The following PLXDC1 variants were observed in gnomAD, a reference collection of about 807,000 sequenced individuals.
The protein encoded by PLXDC1 is plexin domain containing 1.
PLXDC1 carries 39 observed loss-of-function variants against 61.3 expected under a neutral mutation model. The ratio of observed to expected loss-of-function variants is 0.64; its 90% confidence interval spans 0.49 to 0.83. The LOEUF (loss-of-function observed/expected upper bound fraction) is 0.83. Among genes scored for constraint, PLXDC1 ranks in the 40% least tolerant of loss-of-function variants. The pLI is 0.00. For missense variants in PLXDC1, 596 were observed against 666.5 expected, an observed-to-expected ratio of 0.89 and a Z score of 1.17; for synonymous variants, 212 against 254.5, an observed-to-expected ratio of 0.83 and a Z score of 1.59.
chr17:39,079,142 A>G lies in PLXDC1; in HGVS notation c.1012T>C (p.Tyr338His). 6.2e-7 allele frequency: 1 copy of G among 1,613,936 alleles called. No individual in the cohort carries two copies. The highest frequency in any genetic ancestry group is 1.1e-5 in the South Asian group (1 of 91,076). The change falls in exon 10 of 14, where the codon TAT becomes CAT. Residue 338 changes from tyrosine to histidine, a missense_variant. Transcript: ENST00000315392. ...CCATAGTCCATCCACTCCTGGCGAT[A>G]GCGGTCAAAGCCACTGGAGCATCTG... The part of the protein sequence containing the change: ...LQRCSSGFDR[Y>H]RQEWMDYGCA...
At chr17:39,136,816 G>A (rs1466164325) in intron 2 of PLXDC1, among the ~76,000 whole-genome samples, 2 of 152,060 alleles carry the variant, frequency 1.3e-5, no homozygotes, top group Non-Finnish European at 2.9e-5. Flanking sequence ...GTGACATTAT[G>A]AAAATAAGAT....
chr17:39,125,993 C>T (rs1911300334), intron 2 of PLXDC1, among the ~76,000 whole-genome samples: 1 of 152,196 alleles, frequency 6.6e-6, no homozygotes, highest in African/African-American at 2.4e-5. Flanking sequence ...GTGGCTCACA[C>T]CTGTAATCCC....
At position 39,139,701 on chromosome 17, in the gene PLXDC1, C is replaced by A; in HGVS notation, c.208G>T (p.Gly70Cys). 6.2e-7 allele frequency: 1 copy of A among 1,613,970 alleles called. No individual in the cohort carries two copies. ...GGCAGCGTGTCCATGGCCAGGGTGC[C>A]CCCACCCAGGTCCTGGCTCAGCTGG... ...RTQLSQDLGGGTLAMDTLPDN... is the reference protein window; with the variant it reads ...RTQLSQDLGGCTLAMDTLPDN... The change falls in exon 2 of 14, where the codon GGC (glycine) becomes TGC (cysteine). Residue 70 changes from glycine to cysteine, a missense_variant. Coordinates refer to ENST00000315392, the MANE Select transcript of PLXDC1 (RefSeq NM_020405.5).
chr17:39,120,422 C>CA (rs1359668258), intron 2 of PLXDC1, among the ~76,000 whole-genome samples: 1 of 151,964 alleles, frequency 6.6e-6, no homozygotes, highest in Non-Finnish European at 1.5e-5. Flanking sequence ...CCTGACCCAG[C>CA]ATATTGAGTC....
rs1265463856 is a variant in PLXDC1, at chr17:39,077,949, A to T, written c.1150T>A (p.Ser384Thr). 1.2e-5 allele frequency: 19 copies of T among 1,613,870 alleles called. No homozygotes were observed. The highest frequency in any genetic ancestry group is 1.6e-5 in the Non-Finnish European group (19 of 1,179,864). Residue 384 changes from serine (S) to threonine (T), a missense_variant, in exon 11 of 14, where the codon TCC becomes ACC. Coordinates refer to ENST00000315392, the MANE Select transcript of PLXDC1 (RefSeq NM_020405.5). ...AGGCTGTCGATGAAGAGGGAGGAGG[A>T]GGTAGTGGTGAGGTCTCCATCATAG... is the stretch of plus-strand genomic sequence containing the variant. ...SPYDGDLTTT[S>T]SSLFIDSLTT... is the part of the protein sequence containing the mutation.
chr17:39,072,560 A>T (rs1031783695), intron 11 of PLXDC1, 75 bp from the exon 12 acceptor site: 4 of 959,158 alleles, frequency 4.2e-6, no homozygotes, highest in Non-Finnish European at 5.0e-6. Flanking sequence ...TCCAGATGGG[A>T]TGAAAGTTCA....
chr17:39,109,886 T>C (rs1357598304), intron 2 of PLXDC1, among the ~76,000 whole-genome samples: 1 of 152,176 alleles, frequency 6.6e-6, no homozygotes, highest in Non-Finnish European at 1.5e-5. Flanking sequence ...CTCGCGCCTG[T>C]AATCCCAGCA....
At chr17:39,127,031 A>C (rs1308122979) in intron 2 of PLXDC1, 1 of 152,190 alleles carries the variant, frequency 6.6e-6, no homozygotes, top group Non-Finnish European at 1.5e-5. Context: ...AATATGAAAG[A>C]TAACACCTGA....
chr17:39,121,078 C>T (rs1429757818), intron 2 of PLXDC1, among the ~76,000 whole-genome samples: 1 of 151,294 alleles, frequency 6.6e-6, no homozygotes, highest in Non-Finnish European at 1.5e-5. Flanking sequence ...TGGACTCAAG[C>T]GATCCTCTCA....
chr17:39,134,429 C>G (rs1306959220), intron 2 of PLXDC1, among the ~76,000 whole-genome samples: 3 of 151,258 alleles, frequency 2.0e-5, no homozygotes, highest in Non-Finnish European at 2.9e-5. Flanking sequence ...AGTTCAAGAC[C>G]AGCCTGGGCA....
chr17:39,134,232 C>A (rs1482740613), intron 2 of PLXDC1, among the ~76,000 whole-genome samples: 1 of 148,072 alleles, frequency 6.8e-6, no homozygotes, highest in East Asian at 2.0e-4. Context: ...ACAGCCTGGG[C>A]GACAGAGCAA....
intron 6 of PLXDC1, 130 bp downstream of exon 6, chr17:39,107,277 G>A (rs549061035): frequency 8.1e-6 from 5 of 620,302 alleles, no homozygotes; most frequent in African/African-American, 1.8e-5. Context: ...GGTAGGACCC[G>A]CAAACATCTT....
chr17:39,140,590 C>T (rs541295360), intron 1 of PLXDC1, among the ~76,000 whole-genome samples: 4 of 152,334 alleles, frequency 2.6e-5, no homozygotes. Flanking sequence ...CAGGCGTGAG[C>T]CACCGCGCCT....
chr17:39,130,504 G>A (rs944509320), intron 2 of PLXDC1, among the ~76,000 whole-genome samples: 1 of 152,080 alleles, frequency 6.6e-6, no homozygotes, highest in Non-Finnish European at 1.5e-5. Flanking sequence ...GGGGTTGGTT[G>A]CACAACATTG....
intron 2 of PLXDC1, among the ~76,000 whole-genome samples, chr17:39,128,573 A>G (rs1220583934): frequency 6.6e-6 from 1 of 152,090 alleles, no homozygotes; most frequent in East Asian, 1.9e-4. Context: ...ATGTAGAGAA[A>G]TCGGAACCCT....
At chr17:39,102,700 T>A (rs962062190) in intron 7 of PLXDC1, among the ~76,000 whole-genome samples, 1 of 127,290 alleles carries the variant, frequency 7.9e-6, no homozygotes, top group Non-Finnish European at 1.6e-5. Context: ...TCGTATGCTA[T>A]CAAATACACA....
intron 2 of PLXDC1, among the ~76,000 whole-genome samples, chr17:39,134,551 G>A (rs1319214574): frequency 2.0e-5 from 3 of 151,180 alleles, no homozygotes; most frequent in African/African-American, 7.3e-5. Flanking sequence ...GCTAGAACCC[G>A]GGAGGCAGAG....
intron 7 of PLXDC1, among the ~76,000 whole-genome samples, chr17:39,092,626 C>T (rs1184880124): frequency 2.6e-5 from 4 of 152,206 alleles, no homozygotes; most frequent in African/African-American, 7.2e-5. Flanking sequence ...AGACAGACAT[C>T]GCTGCTCTCC....
chr17:39,139,046 AC>A (rs1167723066), intron 2 of PLXDC1, among the ~76,000 whole-genome samples: 1 of 152,074 alleles, frequency 6.6e-6, no homozygotes, highest in Non-Finnish European at 1.5e-5. Context: ...TAATAGATTC[AC>A]CCCCAGACAC....
Sources: gnomAD v4.1 joint callset for allele counts (sites outside exome capture counted in the v4.1 genomes callset) on GRCh38, gnomAD v4.1.1 for gene constraint, MANE v1.5 for transcripts, NCBI Gene and HGNC (gene_info 2026-07-23, HGNC 2026-07-21) for gene names.